Variants in SLC4A7 observed in about 807,000 individuals in gnomAD.
SLC4A7 encodes the protein solute carrier family 4 member 7, also known as sodium bicarbonate cotransporter 3.
In SLC4A7, 51 loss-of-function variants were observed where a neutral mutation model predicts 137.6. The observed-to-expected ratio is 0.37, with a 90% CI of 0.30 to 0.47. The LOEUF is 0.47. Among genes scored for constraint, SLC4A7 ranks in the 20% least tolerant of loss-of-function variants. SLC4A7 has a pLI of 1.00. For synonymous variants in SLC4A7, 542 were observed against 518.6 expected (o/e 1.05, Z -0.61); for missense variants, 1,247 against 1,525.4 (o/e 0.82, Z 3.04).
At chr3:27,409,229 C>G (rs963598138) in intron 13 of SLC4A7, 127 bp downstream of exon 13, 24 of 684,524 alleles carry the variant, frequency 3.5e-5, no homozygotes, top group Non-Finnish European at 5.6e-5. Flanking sequence ...GGAAAGTCTG[C>G]TTTGGGTCAC....
chr3:27,404,444 C>T (rs1307283576), intron 14 of SLC4A7, among the ~76,000 whole-genome samples: 1 of 152,144 alleles, frequency 6.6e-6, no homozygotes, highest in Non-Finnish European at 1.5e-5. Flanking sequence ...AGCTACAGTA[C>T]CCTATATTCA....
Position 27,394,442 on chromosome 3 carries a change from T to G in SLC4A7, c.3117+76A>C, listed in dbSNP as rs1441245057. ...TAATTTTAGGTATTTTAAGTATATT[T>G]TAATGTTTCATGTTCACATAACTAA... is the stretch of plus-strand genomic sequence containing the variant. On this transcript the variant is annotated intron_variant, in intron 20 of 25. Coordinates refer to ENST00000454389, the MANE Select transcript of SLC4A7 (RefSeq NM_001321103.2). 3 of 1,291,112 alleles carry G rather than the reference T, an allele frequency of 2.3e-6. No individual in the cohort carries two copies. The African/African-American group carries it at 4.5e-5, about 19-fold the overall frequency. The allele number at this position is 1,291,112 out of a possible 1,614,324, so 80.0% of individuals were successfully genotyped here. A position where few individuals can be genotyped will look rare whatever the true frequency, so the allele number is the denominator to read the frequency against.
In SLC4A7 at chr3:27,372,841, A is replaced by G. The variant is rs1356786582; in HGVS notation, c.*3923T>C. ...GGATGATTCACAATATAGACCCAGT[A>G]GAGGCTTATACTTCATATAAATGAA... is the stretch of plus-strand genomic sequence containing the variant. On this transcript the variant is annotated 3_prime_UTR_variant, in exon 26 of 26. Coordinates refer to ENST00000454389, the MANE Select transcript of SLC4A7 (RefSeq NM_001321103.2). 1 of 152,680 alleles carries G rather than the reference A, an allele frequency of 6.5e-6. No individual in the cohort carries two copies. The highest frequency in any genetic ancestry group is 2.4e-5 in the African/African-American group (1 of 41,482). The allele number at this position is 152,680 out of a possible 1,614,324, so 9.5% of individuals were successfully genotyped here.
chr3:27,415,324 C>A (rs1372411936), intron 11 of SLC4A7, among the ~76,000 whole-genome samples: 1 of 152,174 alleles, frequency 6.6e-6, no homozygotes, highest in Non-Finnish European at 1.5e-5. Flanking sequence ...CTCATCCAGG[C>A]CTTCTCATAT....
intron 11 of SLC4A7, among the ~76,000 whole-genome samples, chr3:27,417,449 T>C (rs530644065): frequency 6.6e-6 from 1 of 152,262 alleles, no homozygotes; most frequent in East Asian, 1.9e-4. Flanking sequence ...ATTATACAAA[T>C]GCAAATTAAA....
intron 12 of SLC4A7, among the ~76,000 whole-genome samples, chr3:27,410,758 T>C (rs892166558): frequency 3.9e-5 from 6 of 152,148 alleles, no homozygotes; most frequent in African/African-American, 1.2e-4. Context: ...AACAGTACTG[T>C]TCACACAGGG....
chr3:27,480,117 A>G (rs1397904148), intron 1 of SLC4A7, among the ~76,000 whole-genome samples: 4 of 152,252 alleles, frequency 2.6e-5, no homozygotes, highest in Admixed American at 2.6e-4. Context: ...AACCTATTCA[A>G]ATAACAAGAG....
At chr3:27,480,950 C>T (rs2150761119) in intron 1 of SLC4A7, among the ~76,000 whole-genome samples, 1 of 152,252 alleles carries the variant, frequency 6.6e-6, no homozygotes, top group East Asian at 1.9e-4. Flanking sequence ...TCCCCATTAC[C>T]TGGCACCTAT....
chr3:27,469,595 A>G (rs1018859995), intron 1 of SLC4A7, among the ~76,000 whole-genome samples: 2 of 152,164 alleles, frequency 1.3e-5, no homozygotes, highest in African/African-American at 4.8e-5. Context: ...GTCTCTATTA[A>G]AAATACAATT....
intron 1 of SLC4A7, among the ~76,000 whole-genome samples, chr3:27,478,833 CAAA>C (rs558381804): frequency 2.4e-5 from 2 of 84,964 alleles, no homozygotes; most frequent in African/African-American, 4.4e-5. Context: ...ACTAAAAATA[CAAA>C]AAAAAAAAAA....
chr3:27,453,889 A>G (rs576255577), intron 1 of SLC4A7, among the ~76,000 whole-genome samples: 51 of 152,378 alleles, frequency 3.3e-4, no homozygotes, highest in African/African-American at 1.2e-3. Flanking sequence ...AGATACATGT[A>G]TATGACTCTG....
rs1231144990 is a variant in SLC4A7 at position 27,426,776 on chromosome 3, TATG to T, written c.1151-2627_1151-2625del. ...GATGCATGCTACAGTTCTTCATCAT[TATG>T]ATTTGTGTAGTCTTTCCCAACCTCA... is the stretch of plus-strand genomic sequence containing the variant. On this transcript the variant is annotated intron_variant, in intron 7 of 25. Transcript: ENST00000454389. Among the ~76,000 whole-genome samples the T allele has an allele frequency of 2.0e-5, 3 of 152,308 alleles. No individual in the cohort carries two copies. The East Asian group carries it at 5.8e-4, about 29-fold the overall frequency.
At chr3:27,438,910 C>T (rs779618962) in intron 3 of SLC4A7, among the ~76,000 whole-genome samples, 10 of 152,238 alleles carry the variant, frequency 6.6e-5, no homozygotes, top group South Asian at 4.1e-4. Flanking sequence ...CAAGTCACTA[C>T]GAAGAACAGA....
At chr3:27,399,338 C>T (rs1392739505) in intron 16 of SLC4A7, among the ~76,000 whole-genome samples, 1 of 152,182 alleles carries the variant, frequency 6.6e-6, no homozygotes, top group Non-Finnish European at 1.5e-5. Flanking sequence ...TTATTTGTAA[C>T]AAATCACTTT....
intron 1 of SLC4A7, among the ~76,000 whole-genome samples, chr3:27,459,400 A>G (rs2058575267): frequency 6.8e-6 from 1 of 146,162 alleles, no homozygotes; most frequent in Non-Finnish European, 1.6e-5. Context: ...AGTTTAATAC[A>G]TTATTTGATA....
chr3:27,417,039 A>G (rs994735984), intron 11 of SLC4A7, among the ~76,000 whole-genome samples: 8 of 152,232 alleles, frequency 5.3e-5, no homozygotes, highest in Admixed American at 3.3e-4. Context: ...TCAGAAAAAC[A>G]AGAGTAAGAA....
chr3:27,382,275 C>T (rs949307188), intron 24 of SLC4A7, among the ~76,000 whole-genome samples: 3 of 151,866 alleles, frequency 2.0e-5, no homozygotes, highest in Non-Finnish European at 4.4e-5. Context: ...ACCACCACAC[C>T]CAGCTAATTT....
Position 27,373,082 on chromosome 3 carries a change from A to AC in SLC4A7, c.*3681_*3682insG, listed in dbSNP as rs958640135. On this transcript the variant is annotated 3_prime_UTR_variant, in exon 26 of 26. Coordinates refer to ENST00000454389, the MANE Select transcript of SLC4A7 (RefSeq NM_001321103.2). ...CCCCCATGGGGAAGAAAAAAAAAAA[A>AC]AACCTTGAATAATAAAGCAACAAAA... The AC allele has an allele frequency of 3.3e-5, 5 of 151,998 alleles. No individual in the cohort carries two copies. The highest frequency in any genetic ancestry group is 1.3e-4 in the Admixed American group (2 of 15,242). 9.4% of individuals were successfully genotyped at this position (151,998 alleles called of 1,614,324 possible). A position where few individuals can be genotyped will look rare whatever the true frequency, so the allele number is the denominator to read the frequency against.
Position 27,403,361 on chromosome 3 carries a change from G to C in SLC4A7, c.2099C>G (p.Ser700Cys). The change falls in exon 15 of 26, where the codon TCT becomes TGT. Residue 700 changes from serine (S) to cysteine (C), a missense_variant. By Grantham distance (112) the Ser-to-Cys change is moderately radical. Transcript: ENST00000454389. ...FCRDYQLSYL[S>C]LRTSIGLWTS... ...CCACAGACCAATACTGGTTCTTAAA[G>C]ACAGATAAGAAAGTTGATAATCTCT... 2.5e-6 allele frequency: 4 copies of C among 1,590,336 alleles called. No individual in the cohort carries two copies. The highest frequency in any genetic ancestry group is 1.7e-4 in the Middle Eastern group (1 of 5,908).
Sources: gnomAD v4.1 joint callset for allele counts (sites outside exome capture counted in the v4.1 genomes callset) on GRCh38, gnomAD v4.1.1 for gene constraint, MANE v1.5 for transcripts, NCBI Gene and HGNC (gene_info 2026-07-23, HGNC 2026-07-21) for gene names.